Variants in CPNE5 observed in about 807,000 individuals in gnomAD.
The protein encoded by CPNE5 is copine 5.
Under a neutral mutation model 81.1 loss-of-function variants are expected in CPNE5, and 42 were observed. The observed-to-expected ratio is 0.52, with a 90% CI of 0.40 to 0.67. CPNE5 has a LOEUF of 0.67. Among genes scored for constraint, CPNE5 ranks in the 30% least tolerant of loss-of-function variants. CPNE5 has a pLI of 0.00. For synonymous variants in CPNE5, 313 were observed against 321.5 expected (o/e 0.97, Z 0.28); for missense variants, 612 against 815.5 (o/e 0.75, Z 3.04).
intron 11 of CPNE5, 120 bp downstream of exon 11, chr6:36,765,215 C>T: frequency 2.0e-6 from 2 of 1,014,840 alleles, no homozygotes; most frequent in South Asian, 1.5e-5. Flanking sequence ...AACCCAGGCT[C>T]CCTCACCCCC....
chr6:36,789,339 C>T (rs1415088639), intron 8 of CPNE5, among the ~76,000 whole-genome samples: 1 of 152,194 alleles, frequency 6.6e-6, no homozygotes, highest in African/African-American at 2.4e-5. Flanking sequence ...GATAGGTATT[C>T]AACCTAAGAC....
chr6:36,753,095 C>T lies in CPNE5; in HGVS notation c.910G>A (p.Val304Ile). The T allele has an allele frequency of 1.2e-6, 2 of 1,612,732 alleles. No homozygotes were observed. Among genetic ancestry groups the T allele is most frequent in the South Asian group, 1.1e-5 (1 of 91,058 alleles). ...KKKKYVNSGT[V>I]TLLSFAVESE... Reference sequence around the variant, plus strand: ...TCCACAGCAAAGGAAAGCAGGGTGACCTTCAAAACAAAAGGGAGCTTGGTC... The same window carrying T: ...TCCACAGCAAAGGAAAGCAGGGTGATCTTCAAAACAAAAGGGAGCTTGGTC... Residue 304 changes from valine to isoleucine, a missense_variant and splice_region_variant, in exon 14 of 21, where the codon GTC becomes ATC. Physicochemically the swap from Val to Ile is conservative, Grantham distance 29. Coordinates refer to ENST00000244751, the MANE Select transcript of CPNE5 (RefSeq NM_020939.2).
intron 19 of CPNE5, among the ~76,000 whole-genome samples, 177 bp from the exon 20 acceptor site, chr6:36,743,939 G>A (rs906378013): frequency 6.6e-6 from 1 of 152,244 alleles, no homozygotes; most frequent in Non-Finnish European, 1.5e-5. Context: ...CCGATCAGGT[G>A]AGCCTCTGAC....
At chr6:36,798,544 A>C in intron 4 of CPNE5, 50 bp from the exon 5 acceptor site, 1 of 1,581,718 alleles carries the variant, frequency 6.3e-7, no homozygotes, top group Non-Finnish European at 8.7e-7. Flanking sequence ...CGTTCTGCCC[A>C]ATCCTGCCTG....
chr6:36,745,646 G>A lies in CPNE5; in HGVS notation c.1201-131C>T, dbSNP rs953382591. 2.2e-5 allele frequency: 23 copies of A among 1,046,324 alleles called. No individual in the cohort carries two copies. In the Middle Eastern group the frequency reaches 7.8e-4, roughly 36 times the overall value. 64.8% of individuals were successfully genotyped at this position (1,046,324 alleles called of 1,614,324 possible). On this transcript the variant is annotated intron_variant, in intron 16 of 20. Coordinates refer to ENST00000244751, the MANE Select transcript of CPNE5 (RefSeq NM_020939.2). Reference sequence around the variant, plus strand: ...CAGGTCTTCTCTGGTGTGGGGTGGCGGGGCAGGGGAGGGAGCTCCCAGGGC... The same window carrying A: ...CAGGTCTTCTCTGGTGTGGGGTGGCAGGGCAGGGGAGGGAGCTCCCAGGGC...
rs780985767 is a variant in CPNE5 at position 36,748,255 on chromosome 6, G to A, written c.984C>T (p.Asn328=). The A allele has an allele frequency of 6.2e-7, 1 of 1,614,178 alleles. No individual in the cohort carries two copies. The highest frequency in any genetic ancestry group is 8.5e-7 in the Non-Finnish European group (1 of 1,180,016). The change falls in exon 15 of 21, where the codon AAC becomes AAT. Residue 328 remains asparagine, a synonymous_variant. Transcript: ENST00000244751. ...CAGTGAAATCAATGGCCACAGTGAAGTTGATCTGGGTCCTAGAAGAGGGAG... is the reference window on the plus strand; with the variant it reads ...CAGTGAAATCAATGGCCACAGTGAAATTGATCTGGGTCCTAGAAGAGGGAG... ...LDYIKGGTQI[N]FTVAIDFTAS... is the part of the protein sequence containing the mutation.
chr6:36,826,610 C>T (rs1772523009), intron 1 of CPNE5, among the ~76,000 whole-genome samples: 1 of 152,180 alleles, frequency 6.6e-6, no homozygotes, highest in African/African-American at 2.4e-5. Context: ...ACTGGCTGTG[C>T]ATGCCTCCAT....
intron 1 of CPNE5, among the ~76,000 whole-genome samples, chr6:36,825,726 T>C (rs1409903997): frequency 6.6e-6 from 1 of 152,176 alleles, no homozygotes; most frequent in Admixed American, 6.5e-5. Context: ...GACATTCTCA[T>C]CCTGAAGTGT....
chr6:36,811,491 C>A (rs563712191), intron 3 of CPNE5, among the ~76,000 whole-genome samples: 102 of 152,308 alleles, frequency 6.7e-4, no homozygotes, highest in African/African-American at 2.3e-3. Flanking sequence ...CAAGATCCCC[C>A]ACCTGGGCAG....
Position 36,744,272 on chromosome 6 carries a change from G to T in CPNE5, c.1485C>A (p.Phe495Leu). The T allele has an allele frequency of 6.3e-7, 1 of 1,578,882 alleles. No individual in the cohort carries two copies. The highest frequency in any genetic ancestry group is 1.2e-5 in the South Asian group (1 of 85,752). Residue 495 changes from phenylalanine (F) to leucine (L), a missense_variant, in exon 19 of 21, where the codon TTC becomes TTA. Transcript: ENST00000244751. ...GAAGGCAGCAGCTGGACTCACCGTC[G>T]AACTCTGCCTGGCCCACGCCGACGA... ...IIIVGVGQAEFDAMVELDGDD... is the reference protein window; with the variant it reads ...IIIVGVGQAELDAMVELDGDD...
chr6:36,748,184 C>T, intron 15 of CPNE5, 37 bp downstream of exon 15: 2 of 1,603,714 alleles, frequency 1.2e-6, no homozygotes, highest in East Asian at 2.2e-5. Flanking sequence ...AAAGCTCTCT[C>T]CTCCCACCCT....
At chr6:36,829,315 C>T (rs773859778) in intron 1 of CPNE5, among the ~76,000 whole-genome samples, 23 of 151,598 alleles carry the variant, frequency 1.5e-4, no homozygotes, top group Non-Finnish European at 2.7e-4. Context: ...GGGCAACATA[C>T]GGAGACCCTG....
intron 8 of CPNE5, among the ~76,000 whole-genome samples, chr6:36,789,552 C>T (rs2046290726): frequency 6.6e-6 from 1 of 152,238 alleles, no homozygotes; most frequent in African/African-American, 2.4e-5. Context: ...ATCTGTTAGA[C>T]ACACTCACAT....
intron 3 of CPNE5, among the ~76,000 whole-genome samples, chr6:36,804,079 T>C (rs1046127065): frequency 1.3e-5 from 2 of 152,212 alleles, no homozygotes; most frequent in Admixed American, 6.5e-5. Context: ...TATTACCCAT[T>C]GTACAAATGA....
intron 3 of CPNE5, among the ~76,000 whole-genome samples, chr6:36,815,178 A>C (rs575981698): frequency 6.6e-6 from 1 of 151,510 alleles, no homozygotes; most frequent in Non-Finnish European, 1.5e-5. Flanking sequence ...AAAAGAACAA[A>C]AAAAAAGAAC....
chr6:36,794,619 C>G lies in CPNE5; in HGVS notation c.435G>C (p.Thr145=), dbSNP rs147744664. 1 of 1,613,992 alleles carries G rather than the reference C, an allele frequency of 6.2e-7. No individual in the cohort carries two copies. The highest frequency in any genetic ancestry group is 1.3e-5 in the African/African-American group (1 of 75,000). ...TGGACACAGCTGGCATGGGTTTGCC[C>G]GTCCTGGAATTCAGGCTGAATGCGC... is the stretch of plus-strand genomic sequence containing the variant. The part of the protein sequence containing the change: ...TIGAFSLNSR[T]GKPMPAVSNG... Residue 145 remains threonine (T), a synonymous_variant, in exon 7 of 21, where the codon ACG becomes ACC. Coordinates refer to ENST00000244751, the MANE Select transcript of CPNE5 (RefSeq NM_020939.2).
chr6:36,782,711 T>C (rs536419096), intron 8 of CPNE5, among the ~76,000 whole-genome samples: 3 of 151,930 alleles, frequency 2.0e-5, no homozygotes, highest in Non-Finnish European at 2.9e-5. Flanking sequence ...GGAGAATCGC[T>C]AGAACCTGGG....
intron 12 of CPNE5, among the ~76,000 whole-genome samples, chr6:36,758,502 G>A (rs1765710014): frequency 1.3e-5 from 2 of 151,590 alleles, no homozygotes. Context: ...TCCTGCCTCA[G>A]TCTCCCAGAG....
At chr6:36,783,721 C>T (rs1171817388) in intron 8 of CPNE5, among the ~76,000 whole-genome samples, 1 of 152,028 alleles carries the variant, frequency 6.6e-6, no homozygotes, top group Non-Finnish European at 1.5e-5. Context: ...GCTATGTTGC[C>T]CAGGCTGGTG....
Sources: gnomAD v4.1 joint callset for allele counts (sites outside exome capture counted in the v4.1 genomes callset) on GRCh38, gnomAD v4.1.1 for gene constraint, MANE v1.5 for transcripts, NCBI Gene and HGNC (gene_info 2026-07-23, HGNC 2026-07-21) for gene names.